The following KDM2B variants were observed in gnomAD, a reference collection of about 807,000 sequenced individuals.
KDM2B encodes the protein lysine demethylase 2B.
A neutral mutation model predicts 150.0 loss-of-function variants in KDM2B; 26 were observed. The ratio of observed to expected loss-of-function variants is 0.17; its 90% CI spans 0.13 to 0.24. The LOEUF (loss-of-function observed/expected upper bound fraction) is 0.24. KDM2B is among the 10% of genes least tolerant of loss of function. KDM2B has a pLI of 1.00. For synonymous variants in KDM2B, 734 were observed against 729.5 expected (o/e 1.01, Z -0.10); for missense variants, 1,265 against 1,816.9 (o/e 0.70, Z 5.52).
At chr12:121,544,606 T>TC (rs1555310355) in intron 6 of KDM2B, among the ~76,000 whole-genome samples, 12 of 139,022 alleles carry the variant, frequency 8.6e-5, no homozygotes, top group East Asian at 4.2e-4. Flanking sequence ...TGAGTCTCCG[T>TC]CCCCCCCCAA....
intron 12 of KDM2B, among the ~76,000 whole-genome samples, chr12:121,477,478 A>AGCTCAAGG (rs1324532885): frequency 2.0e-5 from 3 of 151,934 alleles, no homozygotes; most frequent in Admixed American, 2.0e-4. Context: ...CCAACTCCTG[A>AGCTCAAGG]GCTCAAGGGA....
chr12:121,452,148 G>A lies in KDM2B; in HGVS notation c.1959+972C>T, dbSNP rs1877393824. On this transcript the variant is annotated intron_variant, in intron 13 of 22. Coordinates refer to ENST00000377071, the MANE Select transcript of KDM2B (RefSeq NM_032590.5). This position sits in a 1 kb window ranked among gnomAD's most constrained non-coding sequence, Gnocchi z 4.4. Reference sequence around the variant, plus strand: ...TGGAATGGTGGTTGCCCGGGCTGAGGGAGGGGAAAGGGGAGTAGAGCTTCA... The same window carrying A: ...TGGAATGGTGGTTGCCCGGGCTGAGAGAGGGGAAAGGGGAGTAGAGCTTCA... Among the ~76,000 whole-genome samples the A allele has an allele frequency of 1.3e-5, 2 of 152,134 alleles. No individual in the cohort carries two copies. The highest frequency in any genetic ancestry group is 6.5e-5 in the Admixed American group (1 of 15,268).
At chr12:121,496,507 T>C (rs1883953187) in intron 11 of KDM2B, among the ~76,000 whole-genome samples, 1 of 149,202 alleles carries the variant, frequency 6.7e-6, no homozygotes, top group South Asian at 2.1e-4. Context: ...TTTTTTTTTT[T>C]TTTTTTTGAG....
chr12:121,572,003 G>A (rs782690487), intron 4 of KDM2B, among the ~76,000 whole-genome samples: 11 of 151,976 alleles, frequency 7.2e-5, no homozygotes, highest in Non-Finnish European at 1.3e-4. Flanking sequence ...GACCAGCCTG[G>A]GCAATGTAGT....
intron 10 of KDM2B, among the ~76,000 whole-genome samples, chr12:121,510,752 C>T (rs1167066962): frequency 6.6e-6 from 1 of 151,828 alleles, no homozygotes; most frequent in East Asian, 1.9e-4. Flanking sequence ...ATGAATGCAC[C>T]ACTGCACTCC....
Position 121,549,740 on chromosome 12 carries a change from C to G in KDM2B, c.398-102G>C. The G allele has an allele frequency of 9.7e-7, 1 of 1,030,588 alleles. No homozygotes were observed. Among genetic ancestry groups the G allele is most frequent in the Non-Finnish European group, 1.4e-6 (1 of 713,184 alleles). 63.8% of individuals were successfully genotyped at this position (1,030,588 alleles called of 1,614,324 possible). On this transcript the variant is annotated intron_variant, in intron 4 of 22. Transcript: ENST00000377071. This position sits in a 1 kb window ranked among gnomAD's most constrained non-coding sequence, Gnocchi z 4.4. ...CAAAAGCTGCTCCTCCACGTTTCCC[C>G]ACAGTCCTCACCCCTCTTCCTCATC...
intron 8 of KDM2B, among the ~76,000 whole-genome samples, chr12:121,528,256 C>A (rs193302193): frequency 2.0e-5 from 3 of 152,272 alleles, no homozygotes; most frequent in Admixed American, 6.5e-5. Context: ...AAGAATAGCA[C>A]CATTTAAAAT....
chr12:121,529,409 A>T (rs554004027), intron 8 of KDM2B, among the ~76,000 whole-genome samples: 2 of 152,290 alleles, frequency 1.3e-5, no homozygotes, highest in South Asian at 4.1e-4. Flanking sequence ...CTAAGGTCAC[A>T]CTGTGGCAAT....
At chr12:121,450,477 A>G (rs575276448) in intron 13 of KDM2B, among the ~76,000 whole-genome samples, 17 of 152,352 alleles carry the variant, frequency 1.1e-4, no homozygotes, top group Middle Eastern at 6.8e-3. Context: ...TCAAAACTAC[A>G]GTGAGACGTC....
chr12:121,562,966 G>A (rs1198134818), intron 4 of KDM2B, among the ~76,000 whole-genome samples: 2 of 152,082 alleles, frequency 1.3e-5, no homozygotes, highest in East Asian at 3.9e-4. Flanking sequence ...TCAAGAAAAG[G>A]GCCAAAGAAA....
chr12:121,473,873 C>T (rs1404070772), intron 12 of KDM2B, among the ~76,000 whole-genome samples: 1 of 152,038 alleles, frequency 6.6e-6, no homozygotes, highest in Non-Finnish European at 1.5e-5. Context: ...ACGGTCTATC[C>T]CTACGATGGA....
the KDM2B span, chr12:121,417,986 C>G: frequency 1.4e-6 from 2 of 1,427,538 alleles, no homozygotes; most frequent in Non-Finnish European, 1.9e-6. The surrounding 1 kb of genome is among the most constrained non-coding windows in gnomAD (Gnocchi z 5.0). Flanking sequence ...GCCTTTAGTG[C>G]TTGATGACTT....
rs1392567543 is a variant in KDM2B, at chr12:121,452,139, C to A, written c.1959+981G>T. Reference sequence around the variant, plus strand: ...AACTGAAAGTGGAATGGTGGTTGCCCGGGCTGAGGGAGGGGAAAGGGGAGT... The same window carrying A: ...AACTGAAAGTGGAATGGTGGTTGCCAGGGCTGAGGGAGGGGAAAGGGGAGT... On this transcript the variant is annotated intron_variant, in intron 13 of 22. Coordinates refer to ENST00000377071, the MANE Select transcript of KDM2B (RefSeq NM_032590.5). The surrounding 1 kb of genome is among the most constrained non-coding windows in gnomAD (Gnocchi z 4.4). 2.0e-5 allele frequency among the ~76,000 whole-genome samples: 3 copies of A among 152,056 alleles called. No homozygotes were observed. Among genetic ancestry groups the A allele is most frequent in the African/African-American group, 7.2e-5 (3 of 41,492 alleles).
Position 121,513,781 on chromosome 12 carries a change from T to A in KDM2B, c.1048-379A>T, listed in dbSNP as rs1594009541. 6.6e-6 allele frequency among the ~76,000 whole-genome samples: 1 copy of A among 152,102 alleles called. No homozygotes were observed. Among genetic ancestry groups the A allele is most frequent in the East Asian group, 1.9e-4 (1 of 5,196 alleles). ...GATTCTAGCTACAACAGACATAGGT[T>A]CCTCCTTGTTTCTGAAAATTCCTGC... On this transcript the variant is annotated intron_variant, in intron 9 of 22. Transcript: ENST00000377071. The surrounding 1 kb of genome is among the most constrained non-coding windows in gnomAD (Gnocchi z 5.0).
chr12:121,474,345 C>T (rs1447442600), intron 12 of KDM2B, among the ~76,000 whole-genome samples: 2 of 151,820 alleles, frequency 1.3e-5, no homozygotes, highest in East Asian at 1.9e-4. Context: ...AAACCCCGTC[C>T]CTACTAAAAA....
the KDM2B span, chr12:121,420,174 A>C: frequency 5.6e-6 from 8 of 1,434,490 alleles, no homozygotes; most frequent in South Asian, 9.3e-5. Flanking sequence ...AGCATCAATG[A>C]CAAGGTTTTC....
intron 11 of KDM2B, among the ~76,000 whole-genome samples, chr12:121,505,812 T>A (rs1555302833): frequency 6.6e-6 from 1 of 152,148 alleles, no homozygotes. Flanking sequence ...GTGGGGGAAC[T>A]GGGCATCGGC....
intron 4 of KDM2B, among the ~76,000 whole-genome samples, chr12:121,570,006 A>G (rs1890975833): frequency 6.6e-6 from 1 of 151,524 alleles, no homozygotes; most frequent in African/African-American, 2.4e-5. Context: ...CATGCCACCA[A>G]GCCCAGCTAA....
intron 22 of KDM2B, among the ~76,000 whole-genome samples, chr12:121,434,023 CAAAA>C (rs556594893): frequency 1.3e-3 from 192 of 151,806 alleles, no homozygotes; most frequent in African/African-American, 4.4e-3. Flanking sequence ...TATAAAAAAA[CAAAA>C]AACACCAAAA....
Sources: gnomAD v4.1 joint callset for allele counts (sites outside exome capture counted in the v4.1 genomes callset) on GRCh38, gnomAD v4.1.1 for gene constraint, Gnocchi (gnomAD v3.1) non-coding constraint, MANE v1.5 for transcripts, NCBI Gene and HGNC (gene_info 2026-07-23, HGNC 2026-07-21) for gene names.